SPOCK1: variants seen among roughly 807,000 people sequenced by gnomAD.
SPOCK1 encodes the protein SPARC (osteonectin), cwcv and kazal like domains proteoglycan 1, also known as testican-1.
Under a neutral mutation model 55.3 loss-of-function variants are expected in SPOCK1, and 23 were observed. The ratio of observed to expected loss-of-function variants is 0.42; its 90% confidence interval spans 0.30 to 0.59. The LOEUF is 0.59. SPOCK1 is among the 20% of genes least tolerant of loss of function. The probability of loss-of-function intolerance (pLI) is 0.22; values close to 1 mark genes in which losing one functional copy is unlikely to be tolerated. For synonymous variants in SPOCK1, 226 were observed against 221.0 expected (o/e 1.02, Z -0.20); for missense variants, 499 against 552.5 (o/e 0.90, Z 0.97).
chr5:137,348,092 C>T (rs1750599149), intron 2 of SPOCK1, among the ~76,000 whole-genome samples: 1 of 152,126 alleles, frequency 6.6e-6, no homozygotes, highest in Non-Finnish European at 1.5e-5. Context: ...CCAGAGACAG[C>T]AGGGCCAAGT....
At chr5:137,109,685 G>A (rs537336943) in intron 5 of SPOCK1, among the ~76,000 whole-genome samples, 1 of 152,068 alleles carries the variant, frequency 6.6e-6, no homozygotes, top group Admixed American at 6.5e-5. Flanking sequence ...CTCCACAGGG[G>A]CATCCTCATG....
chr5:137,080,065 A>C (rs566540801), intron 5 of SPOCK1, among the ~76,000 whole-genome samples: 1 of 152,330 alleles, frequency 6.6e-6, no homozygotes, highest in Non-Finnish European at 1.5e-5. Flanking sequence ...AATGGCTTCT[A>C]ATTCTTCATA....
intron 6 of SPOCK1, among the ~76,000 whole-genome samples, chr5:137,010,373 A>G (rs1561578658): frequency 6.6e-6 from 1 of 152,008 alleles, no homozygotes; most frequent in Non-Finnish European, 1.5e-5. Flanking sequence ...GGAGAGATAG[A>G]GCCACCATGG....
chr5:137,369,537 G>A (rs1285657365), intron 2 of SPOCK1, among the ~76,000 whole-genome samples: 3 of 152,202 alleles, frequency 2.0e-5, no homozygotes, highest in Admixed American at 2.0e-4. Context: ...ACCTGGGTGT[G>A]CCACTTACTA....
At chr5:137,317,186 C>T (rs938549900) in intron 2 of SPOCK1, among the ~76,000 whole-genome samples, 2 of 152,202 alleles carry the variant, frequency 1.3e-5, no homozygotes, top group Non-Finnish European at 2.9e-5. Flanking sequence ...AACTACAGCC[C>T]TTGTCTCCCT....
intron 5 of SPOCK1, among the ~76,000 whole-genome samples, chr5:137,086,275 G>A (rs886069317): frequency 1.3e-5 from 2 of 152,064 alleles, no homozygotes; most frequent in Non-Finnish European, 2.9e-5. Flanking sequence ...CACCCCACAG[G>A]CTACAAGATA....
At chr5:137,121,593 TA>T (rs1264710913) in intron 4 of SPOCK1, among the ~76,000 whole-genome samples, 3 of 147,382 alleles carry the variant, frequency 2.0e-5, no homozygotes, top group African/African-American at 7.4e-5. Flanking sequence ...TTATATATTA[TA>T]TATAATATAT....
intron 6 of SPOCK1, among the ~76,000 whole-genome samples, chr5:137,064,433 A>T (rs1752456882): frequency 6.6e-6 from 1 of 152,072 alleles, no homozygotes; most frequent in Non-Finnish European, 1.5e-5. Context: ...CATTTATAAG[A>T]CTGTAAACTC....
chr5:137,491,623 C>T (rs1252883344), intron 2 of SPOCK1, among the ~76,000 whole-genome samples: 1 of 152,158 alleles, frequency 6.6e-6, no homozygotes, highest in African/African-American at 2.4e-5. Context: ...GAGGTCCTGG[C>T]TTAGAGATAG....
intron 3 of SPOCK1, among the ~76,000 whole-genome samples, chr5:137,158,066 A>C (rs1434663): frequency 0.24 from 35,533 of 150,844 alleles, 4,511 homozygotes; most frequent in Non-Finnish European, 0.29. Context: ...CCATCCCCCC[A>C]AAAAAAAGAA....
Position 136,975,860 on chromosome 5 carries a change from T to C in SPOCK1, c.*2794A>G, listed in dbSNP as rs1750601487. 6.6e-6 allele frequency: 1 copy of C among 152,208 alleles called. No individual in the cohort carries two copies. Among genetic ancestry groups the C allele is most frequent in the Non-Finnish European group, 1.5e-5 (1 of 68,032 alleles). The allele number at this position is 152,208 out of a possible 1,614,324, so 9.4% of individuals were successfully genotyped here. Reference sequence around the variant, plus strand: ...GTGGAACAAAATTCTGGGATTTAAGTTGGATACCAAGGAAATTGTATTAAA... The same window carrying C: ...GTGGAACAAAATTCTGGGATTTAAGCTGGATACCAAGGAAATTGTATTAAA... On this transcript the variant is annotated 3_prime_UTR_variant, in exon 11 of 11. Transcript: ENST00000394945.
chr5:137,148,235 C>CT (rs768227757), intron 3 of SPOCK1, among the ~76,000 whole-genome samples: 4 of 152,198 alleles, frequency 2.6e-5, no homozygotes, highest in Non-Finnish European at 4.4e-5. Context: ...GGACTACCCA[C>CT]TACTGAGAGT....
At chr5:137,283,824 T>C (rs150977794) in intron 2 of SPOCK1, among the ~76,000 whole-genome samples, 118 of 152,114 alleles carry the variant, frequency 7.8e-4, no homozygotes, top group African/African-American at 2.6e-3. Flanking sequence ...AAAATGAGCA[T>C]AGTCGATGTG....
intron 6 of SPOCK1, among the ~76,000 whole-genome samples, chr5:137,005,122 T>C (rs1385787005): frequency 6.6e-6 from 1 of 152,194 alleles, no homozygotes; most frequent in Admixed American, 6.5e-5. Flanking sequence ...CTCTTAGACC[T>C]GATCTGTTTC....
chr5:137,151,455 T>C (rs1321404459), intron 3 of SPOCK1, among the ~76,000 whole-genome samples: 2 of 152,224 alleles, frequency 1.3e-5, no homozygotes, highest in East Asian at 3.8e-4. Context: ...AGGAGCTCTT[T>C]GGTAGAAAAG....
At chr5:137,095,994 G>GCCC (rs1367922197) in intron 5 of SPOCK1, among the ~76,000 whole-genome samples, 2 of 152,050 alleles carry the variant, frequency 1.3e-5, no homozygotes, top group Admixed American at 6.5e-5. Flanking sequence ...TGGGCAGGGG[G>GCCC]AAGGAGGGAG....
chr5:137,379,356 T>C (rs548291912), intron 2 of SPOCK1, among the ~76,000 whole-genome samples: 2 of 152,126 alleles, frequency 1.3e-5, no homozygotes, highest in Non-Finnish European at 2.9e-5. Flanking sequence ...TCTATTTTAA[T>C]CTCCTTCAAA....
At chr5:137,273,462 G>T (rs758616939) in intron 2 of SPOCK1, 7 of 814,332 alleles carry the variant, frequency 8.6e-6, no homozygotes, top group Admixed American at 1.2e-4. Flanking sequence ...ATACATTTTT[G>T]ATAATTGCAT....
chr5:137,307,039 A>C (rs1336145744), intron 2 of SPOCK1, among the ~76,000 whole-genome samples: 1 of 152,206 alleles, frequency 6.6e-6, no homozygotes, highest in African/African-American at 2.4e-5. Flanking sequence ...ACCCAACTCT[A>C]GTCCTTGCTA....
Sources: allele counts gnomAD v4.1 joint callset (sites outside exome capture counted in the v4.1 genomes callset), GRCh38; gene constraint gnomAD v4.1.1; transcripts MANE v1.5; gene names NCBI Gene and HGNC (gene_info 2026-07-23, HGNC 2026-07-21).